The following SLC35F3 variants were observed in gnomAD, a reference collection of about 807,000 sequenced individuals.
The protein encoded by SLC35F3 is putative thiamine transporter SLC35F3.
Under a neutral mutation model 49.9 loss-of-function variants are expected in SLC35F3, and 25 were observed. The observed-to-expected ratio is 0.50, with a 90% CI of 0.37 to 0.70. SLC35F3 has a LOEUF of 0.70. Ranked by LOEUF, SLC35F3 falls within the 30% of genes least tolerant of loss-of-function variation. The pLI is 0.00. For missense variants in SLC35F3, 525 were observed against 639.8 expected (o/e 0.82, Z 1.94); for synonymous variants, 275 against 265.4 (o/e 1.04, Z -0.35).
At chr1:234,116,028 G>T (rs1364605387) in intron 2 of SLC35F3, among the ~76,000 whole-genome samples, 4 of 152,140 alleles carry the variant, frequency 2.6e-5, no homozygotes, top group African/African-American at 9.7e-5. Flanking sequence ...GCAAGCAGTT[G>T]CATTCTTTCA....
At chr1:234,009,558 T>C (rs1454327041) in intron 2 of SLC35F3, among the ~76,000 whole-genome samples, 1 of 152,206 alleles carries the variant, frequency 6.6e-6, no homozygotes, top group Non-Finnish European at 1.5e-5. Context: ...CTCAGGGGGT[T>C]ATAATGTACC....
intron 3 of SLC35F3, among the ~76,000 whole-genome samples, chr1:234,276,509 T>C (rs537416452): frequency 3.7e-4 from 56 of 151,866 alleles, no homozygotes; most frequent in Non-Finnish European, 4.9e-4. Context: ...TACAGCTTAT[T>C]GTACATGGAT....
At chr1:234,108,562 A>C (rs1393629526) in intron 2 of SLC35F3, among the ~76,000 whole-genome samples, 3 of 110,880 alleles carry the variant, frequency 2.7e-5, no homozygotes, top group African/African-American at 3.4e-5. Flanking sequence ...TATATAAAAG[A>C]TATATATTAT....
At position 234,164,766 on chromosome 1, in the gene SLC35F3, G is replaced by C. The variant is rs76037383; in HGVS notation, c.284-66651G>C. Among the ~76,000 whole-genome samples the C allele has an allele frequency of 8.5e-3, 1,193 of 140,306 alleles. 18 individuals carry two copies. The highest frequency in any genetic ancestry group is 0.028 in the African/African-American group (1,080 of 38,140). The allele number at this position is 140,306 out of a possible 152,430, so 92.0% of individuals were successfully genotyped here. On this transcript the variant is annotated intron_variant, in intron 2 of 7. Coordinates refer to ENST00000366618, the MANE Select transcript of SLC35F3 (RefSeq NM_173508.4). ...ACATTGCTGGGACTTTTCTCAAGGA[G>C]AGTTGTGTTTAGCCATTACTGAGAC...
intron 2 of SLC35F3, among the ~76,000 whole-genome samples, chr1:234,137,897 A>T (rs528496808): frequency 5.5e-4 from 83 of 152,240 alleles, no homozygotes; most frequent in Non-Finnish European, 8.5e-4. Context: ...AGAAGGCTGG[A>T]TGCGAGAGGG....
chr1:233,969,517 C>G (rs1271289053), intron 2 of SLC35F3, among the ~76,000 whole-genome samples: 2 of 152,282 alleles, frequency 1.3e-5, no homozygotes, highest in East Asian at 3.9e-4. Context: ...GTTCCTGCAC[C>G]TCTGTTGGGC....
Position 234,231,413 on chromosome 1 carries a change from C to G in SLC35F3, c.284-4C>G. ...CCCGCTAACCACGCCCTTCTCTTCC[C>G]CAGGGGAGGAGCGCCCCCGGGACTC... On this transcript the variant is annotated splice_polypyrimidine_tract_variant and splice_region_variant and intron_variant, in intron 2 of 7. Coordinates refer to ENST00000366618, the MANE Select transcript of SLC35F3 (RefSeq NM_173508.4). This position sits in a 1 kb window ranked among gnomAD's most constrained non-coding sequence, Gnocchi z 5.4. The G allele has an allele frequency of 6.5e-7, 1 of 1,538,604 alleles. No individual in the cohort carries two copies. Among genetic ancestry groups the G allele is most frequent in the Non-Finnish European group, 8.7e-7 (1 of 1,146,062 alleles).
At chr1:234,279,568 C>T (rs1045390033) in intron 3 of SLC35F3, among the ~76,000 whole-genome samples, 4 of 152,124 alleles carry the variant, frequency 2.6e-5, no homozygotes, top group South Asian at 2.1e-4. Context: ...AGAAGAACAT[C>T]GGCATGGTGT....
chr1:234,231,560 C>A lies in SLC35F3; in HGVS notation c.427C>A (p.Leu143Met). ...GATCTTCTGGGGCGTGGCGGTCGTG[C>A]TGTGCGTGTGCTCCTCGTGGGCGGG... ...KKIFWGVAVVLCVCSSWAGST... is the reference protein window; with the variant it reads ...KKIFWGVAVVMCVCSSWAGST... Residue 143 changes from leucine (L) to methionine (M), a missense_variant, in exon 3 of 8, where the codon CTG becomes ATG. Physicochemically the swap from Leu to Met is conservative, Grantham distance 15 (BLOSUM62 2). Coordinates refer to ENST00000366618, the MANE Select transcript of SLC35F3 (RefSeq NM_173508.4). This position sits in a 1 kb window ranked among gnomAD's most constrained non-coding sequence, Gnocchi z 5.4. 6.2e-7 allele frequency: 1 copy of A among 1,614,150 alleles called. No homozygotes were observed. The highest frequency in any genetic ancestry group is 2.2e-5 in the East Asian group (1 of 44,866).
intron 4 of SLC35F3, among the ~76,000 whole-genome samples, chr1:234,311,907 G>C (rs913113923): frequency 6.6e-6 from 1 of 152,212 alleles, no homozygotes; most frequent in Non-Finnish European, 1.5e-5. Flanking sequence ...AAATGTCTCT[G>C]AGCCTCTGTT....
At chr1:234,278,981 G>C (rs1420537005) in intron 3 of SLC35F3, among the ~76,000 whole-genome samples, 1 of 151,090 alleles carries the variant, frequency 6.6e-6, no homozygotes, top group Non-Finnish European at 1.5e-5. Context: ...TTTTGCCAAA[G>C]TGAAGGATGT....
At chr1:234,048,393 A>G (rs531926158) in intron 2 of SLC35F3, among the ~76,000 whole-genome samples, 1 of 152,180 alleles carries the variant, frequency 6.6e-6, no homozygotes, top group South Asian at 2.1e-4. Context: ...GAAGCCAGGG[A>G]TAGAGATGAG....
chr1:234,231,720 A>T lies in SLC35F3; in HGVS notation c.587A>T (p.Gln196Leu). The change falls in exon 3 of 8, where the codon CAG (glutamine) becomes CTG (leucine). Residue 196 changes from glutamine to leucine, a missense_variant. Gln to Leu is a moderately radical substitution (Grantham distance 113). Coordinates refer to ENST00000366618, the MANE Select transcript of SLC35F3 (RefSeq NM_173508.4). This position sits in a 1 kb window ranked among gnomAD's most constrained non-coding sequence, Gnocchi z 5.4. ...VGHVCKSTEK[Q>L]SVKQRYRECC... ...CACGTCTGCAAGTCCACAGAGAAGC[A>T]GTCTGTGAAGCAGCGATACAGGTAG... 6.2e-7 allele frequency: 1 copy of T among 1,611,914 alleles called. No homozygotes were observed.
At chr1:234,102,802 A>C (rs1334399946) in intron 2 of SLC35F3, among the ~76,000 whole-genome samples, 2 of 152,232 alleles carry the variant, frequency 1.3e-5, no homozygotes, top group African/African-American at 2.4e-5. Flanking sequence ...TCCAAACCAC[A>C]GCCGCTAAAG....
intron 2 of SLC35F3, among the ~76,000 whole-genome samples, chr1:234,072,509 G>A (rs1010454796): frequency 6.6e-6 from 1 of 152,184 alleles, no homozygotes; most frequent in African/African-American, 2.4e-5. Context: ...GTTAGGTAGC[G>A]TTTAATACGA....
At chr1:234,082,106 A>G (rs9435557) in intron 2 of SLC35F3, among the ~76,000 whole-genome samples, 131,621 of 151,412 alleles carry the variant, frequency 0.87, 57,490 homozygotes, top group East Asian at 0.97. Flanking sequence ...ACTGAGGTCA[A>G]AGAGGGACTG....
At chr1:234,058,618 A>G (rs1277335475) in intron 2 of SLC35F3, among the ~76,000 whole-genome samples, 1 of 152,140 alleles carries the variant, frequency 6.6e-6, no homozygotes, top group African/African-American at 2.4e-5. Flanking sequence ...GTGTTGGGAT[A>G]ACAGGCATGA....
At chr1:233,932,213 T>C (rs1256921728) in intron 2 of SLC35F3, among the ~76,000 whole-genome samples, 1 of 151,900 alleles carries the variant, frequency 6.6e-6, no homozygotes, top group Non-Finnish European at 1.5e-5. Flanking sequence ...GGTTGATGAG[T>C]GCAGCAAACC....
At chr1:234,017,584 G>A (rs1663822678) in intron 2 of SLC35F3, among the ~76,000 whole-genome samples, 2 of 151,390 alleles carry the variant, frequency 1.3e-5, no homozygotes, top group South Asian at 4.2e-4. Flanking sequence ...CACAGTGGCG[G>A]GTGCCTGTAG....
Sources: allele counts gnomAD v4.1 joint callset (sites outside exome capture counted in the v4.1 genomes callset), GRCh38; gene constraint gnomAD v4.1.1; non-coding constraint Gnocchi (gnomAD v3.1); transcripts MANE v1.5; gene names NCBI Gene and HGNC (gene_info 2026-07-23, HGNC 2026-07-21).